Variants in SEMA4D observed in about 807,000 individuals in gnomAD.
SEMA4D encodes semaphorin 4D, also known as semaphorin-4D.
In SEMA4D, 22 loss-of-function variants were observed where a neutral mutation model predicts 74.8. That is an observed-to-expected ratio of 0.29 (90% CI 0.21 to 0.42). The LOEUF is 0.42. Among genes scored for constraint, SEMA4D ranks in the 10% least tolerant of loss-of-function variants. The pLI is 1.00. For missense variants in SEMA4D, 937 were observed against 1,118.4 expected (o/e 0.84, Z 2.31); for synonymous variants, 445 against 463.7 (o/e 0.96, Z 0.52).
At chr9:89,425,747 G>A (rs905692240) in intron 2 of SEMA4D, among the ~76,000 whole-genome samples, 7 of 152,176 alleles carry the variant, frequency 4.6e-5, no homozygotes, top group African/African-American at 1.7e-4. Flanking sequence ...CTGGGAAGAG[G>A]AAAAACAGGC....
At chr9:89,375,010 G>A (rs568702360), downstream of SEMA4D, among the ~76,000 whole-genome samples, 24 of 152,340 alleles carry the variant, frequency 1.6e-4, no homozygotes, top group African/African-American at 5.5e-4. Flanking sequence ...CCAAGATCGT[G>A]CCACTGCACT....
At chr9:89,402,376 C>T (rs935803767) in intron 4 of SEMA4D, among the ~76,000 whole-genome samples, 2 of 152,070 alleles carry the variant, frequency 1.3e-5, no homozygotes, top group African/African-American at 4.8e-5. Context: ...TCAAACTAAA[C>T]GTTTGAACCA....
Position 89,393,638 on chromosome 9 carries a change from C to A in SEMA4D, c.432G>T (p.Lys144Asn), listed in dbSNP as rs201972562. ...TGCCATCTTCATTTTTCCCCAGAAA[C>A]TTAAAGGATGTTAAGTTCTACAATT... ...ACDHLNLTSF[K>N]FLGKNEDGKG... is the part of the protein sequence containing the mutation. The change falls in exon 7 of 16, where the codon AAG (lysine) becomes AAT (asparagine). Residue 144 changes from lysine to asparagine, a missense_variant. Physicochemically the swap from Lys to Asn is moderately conservative, Grantham distance 94. Transcript: ENST00000422704. The A allele has an allele frequency of 9.9e-6, 16 of 1,613,736 alleles. No homozygotes were observed. The African/African-American group carries it at 1.9e-4, about 19-fold the overall frequency.
chr9:89,406,551 C>T (rs557907348), intron 2 of SEMA4D, among the ~76,000 whole-genome samples: 8 of 152,160 alleles, frequency 5.3e-5, no homozygotes, highest in Admixed American at 1.3e-4. Context: ...GGCCCCACAG[C>T]GTAACCCGCC....
intron 15 of SEMA4D, among the ~76,000 whole-genome samples, chr9:89,379,948 T>C (rs751948785): frequency 6.6e-5 from 10 of 152,248 alleles, no homozygotes; most frequent in African/African-American, 9.6e-5. Flanking sequence ...GCTCTTTGAA[T>C]CAGACACGAG....
At chr9:89,411,802 C>T (rs1844582509) in intron 2 of SEMA4D, among the ~76,000 whole-genome samples, 1 of 152,220 alleles carries the variant, frequency 6.6e-6, no homozygotes, top group Admixed American at 6.5e-5. Context: ...GTCCCTAGGG[C>T]AGCCAGATCT....
At position 89,482,764 on chromosome 9, in the gene SEMA4D, T is replaced by C. The variant is rs1349150429; in HGVS notation, c.-310+15155A>G. On this transcript the variant is annotated intron_variant, in intron 1 of 15. Transcript: ENST00000422704. ...ATGACACCATCACTTATTTAGAGAA[T>C]GCCACTGTGGCCTGAGCATGGTCTC... Among the ~76,000 whole-genome samples, 5 of 152,186 alleles carry C rather than the reference T, an allele frequency of 3.3e-5. No homozygotes were observed. The East Asian group carries it at 5.8e-4, about 18-fold the overall frequency.
Position 89,378,323 on chromosome 9 carries a change from A to C in SEMA4D, c.*381T>G, listed in dbSNP as rs2132622953. The C allele has an allele frequency of 5.5e-6, 1 of 180,310 alleles. No homozygotes were observed. The highest frequency in any genetic ancestry group is 1.2e-5 in the Non-Finnish European group (1 of 85,134). The allele number at this position is 180,310 out of a possible 1,614,324, so 11.2% of individuals were successfully genotyped here. ...AAAATGTCATTTCCAATCTGGAATTAAATAATCTTTTAGTGGCTGCTACGG... is the reference window on the plus strand; with the variant it reads ...AAAATGTCATTTCCAATCTGGAATTCAATAATCTTTTAGTGGCTGCTACGG... On this transcript the variant is annotated 3_prime_UTR_variant, in exon 16 of 16. Transcript: ENST00000422704.
intron 2 of SEMA4D, among the ~76,000 whole-genome samples, chr9:89,440,597 A>G (rs1034078146): frequency 3.9e-5 from 6 of 152,158 alleles, no homozygotes; most frequent in African/African-American, 1.2e-4. Context: ...TCTCCTGGAA[A>G]AAAAGGAGGC....
rs369333045 is a variant in SEMA4D, at chr9:89,381,014, C to T, written c.1663+41G>A. ...GCACCGTGAAATGGCTACAAGACCT[C>T]GCCACTCCCAAAGGAAATGGGACGT... On this transcript the variant is annotated intron_variant, in intron 15 of 15. Transcript: ENST00000422704. The surrounding 1 kb of genome is among the most constrained non-coding windows in gnomAD (Gnocchi z 4.6). The T allele has an allele frequency of 2.7e-5, 44 of 1,612,008 alleles. No individual in the cohort carries two copies. The African/African-American group carries it at 2.8e-4, about 10-fold the overall frequency.
intron 1 of SEMA4D, among the ~76,000 whole-genome samples, chr9:89,480,186 T>C (rs1202704523): frequency 1.4e-5 from 2 of 145,532 alleles, no homozygotes; most frequent in African/African-American, 5.2e-5. Flanking sequence ...CTGAGCTAGA[T>C]ATAAAGGTTC....
At chr9:89,387,660 G>A (rs372575295) in intron 11 of SEMA4D, 52 bp from the exon 12 acceptor site, 724 of 1,549,310 alleles carry the variant, frequency 4.7e-4, no homozygotes, top group Non-Finnish European at 6.1e-4. Context: ...ACCACGCAAC[G>A]GGTGCTTCCA....
intron 2 of SEMA4D, among the ~76,000 whole-genome samples, chr9:89,428,266 CCCG>C (rs1564745662): frequency 1.3e-5 from 2 of 152,248 alleles, no homozygotes; most frequent in African/African-American, 4.8e-5. Flanking sequence ...CCAGGCGGCC[CCCG>C]CCATGGCCCA....
chr9:89,446,731 G>A (rs1852964221), intron 2 of SEMA4D, among the ~76,000 whole-genome samples: 1 of 152,174 alleles, frequency 6.6e-6, no homozygotes, highest in Admixed American at 6.5e-5. Context: ...GCAGCAGCAG[G>A]AGGAGACTGA....
Position 89,392,329 on chromosome 9 carries a change from C to G in SEMA4D, c.622+94G>C, listed in dbSNP as rs562218912. On this transcript the variant is annotated intron_variant, in intron 8 of 15. Coordinates refer to ENST00000422704, the MANE Select transcript of SEMA4D (RefSeq NM_001371194.2). ...ACAGGGGCTAACACAAGCTCGGGGG[C>G]CCCCAGGGCTCAGAGACAGAAAAGG... The G allele has an allele frequency of 3.0e-4, 297 of 985,898 alleles. 4 individuals carry two copies. In the South Asian group the frequency reaches 3.8e-3, roughly 12 times the overall value. 61.1% of individuals were successfully genotyped at this position (985,898 alleles called of 1,614,324 possible).
At chr9:89,495,673 G>A (rs1825949155) in intron 1 of SEMA4D, among the ~76,000 whole-genome samples, 1 of 152,184 alleles carries the variant, frequency 6.6e-6, no homozygotes, top group African/African-American at 2.4e-5. Context: ...TCGACAATCA[G>A]CCGACGGCAC....
At chr9:89,449,511 G>A (rs1171769003) in intron 2 of SEMA4D, 3 of 749,318 alleles carry the variant, frequency 4.0e-6, no homozygotes, top group African/African-American at 3.4e-5. Flanking sequence ...AAGGGAGGCA[G>A]AGGGGCGGCT....
intron 2 of SEMA4D, among the ~76,000 whole-genome samples, chr9:89,432,675 A>C (rs2134696195): frequency 6.6e-6 from 1 of 152,322 alleles, no homozygotes; most frequent in South Asian, 2.1e-4. Context: ...GCCTCACACC[A>C]ATCAGGGTGG....
At chr9:89,400,975 A>T (rs1432037984) in intron 4 of SEMA4D, among the ~76,000 whole-genome samples, 2 of 152,204 alleles carry the variant, frequency 1.3e-5, no homozygotes, top group Non-Finnish European at 2.9e-5. Flanking sequence ...AAGAGAATTT[A>T]ACAGACACGC....
Sources: allele counts gnomAD v4.1 joint callset (sites outside exome capture counted in the v4.1 genomes callset), GRCh38; gene constraint gnomAD v4.1.1; non-coding constraint Gnocchi (gnomAD v3.1); transcripts MANE v1.5; gene names NCBI Gene and HGNC (gene_info 2026-07-23, HGNC 2026-07-21).